Variants in COP1 observed in about 807,000 individuals in gnomAD.
COP1 encodes COP1 E3 ubiquitin ligase, also known as E3 ubiquitin-protein ligase COP1.
A neutral mutation model predicts 101.3 loss-of-function variants in COP1; 24 were observed. The observed-to-expected ratio is 0.24, with a 90% CI of 0.17 to 0.33. COP1 has a LOEUF of 0.33. COP1 is among the 10% of genes least tolerant of loss of function. The pLI is 1.00. For synonymous variants in COP1, 347 were observed against 341.9 expected (o/e 1.01, Z -0.17); for missense variants, 663 against 906.2 (o/e 0.73, Z 3.45).
At chr1:176,163,788 A>T in intron 4 of COP1, 27 bp downstream of exon 4, 5 of 1,358,134 alleles carry the variant, frequency 3.7e-6, no homozygotes, top group Non-Finnish European at 4.1e-6. Context: ...AAATTTATTA[A>T]AAATAGTAAT....
intron 6 of COP1, among the ~76,000 whole-genome samples, chr1:176,146,534 C>A (rs545560262): frequency 1.9e-4 from 29 of 152,328 alleles, no homozygotes; most frequent in African/African-American, 7.0e-4. Flanking sequence ...AGGCAGCCAG[C>A]TGCCATGTAG....
intron 2 of COP1, among the ~76,000 whole-genome samples, chr1:176,177,226 CATTAT>C (rs777872974): frequency 6.6e-6 from 1 of 151,616 alleles, no homozygotes; most frequent in African/African-American, 2.4e-5. Context: ...CCCTTTCTTA[CATTAT>C]ATATTTCTAT....
At chr1:176,178,131 T>C (rs1409367169) in intron 2 of COP1, among the ~76,000 whole-genome samples, 1 of 152,158 alleles carries the variant, frequency 6.6e-6, no homozygotes, top group African/African-American at 2.4e-5. Context: ...GGAAATAACA[T>C]ACTAAATCTT....
chr1:176,113,135 T>C (rs1457059200), intron 9 of COP1, among the ~76,000 whole-genome samples: 1 of 152,164 alleles, frequency 6.6e-6, no homozygotes, highest in Admixed American at 6.5e-5. Flanking sequence ...ATACTCTTTT[T>C]CATAATGGCT....
At position 176,206,727 on chromosome 1, in the gene COP1, C is replaced by A; in HGVS notation, c.252G>T (p.Thr84=). 3 of 1,572,286 alleles carry A rather than the reference C, an allele frequency of 1.9e-6. No individual in the cohort carries two copies. In the Admixed American group the frequency reaches 5.4e-5, roughly 29 times the overall value. The change falls in exon 1 of 20, where the codon ACG becomes ACT. Residue 84 remains threonine (T), a synonymous_variant. Transcript: ENST00000367669. ...VSGSGGGAVS[T]GLSRHSCAAR... ...CCGCGCAGCTGTGCCGGGACAGGCC[C>A]GTGGACACCGCCCCGCCGCCGCTAC... is the stretch of plus-strand genomic sequence containing the variant.
At chr1:176,120,353 G>A (rs1344015472) in intron 8 of COP1, among the ~76,000 whole-genome samples, 1 of 151,760 alleles carries the variant, frequency 6.6e-6, no homozygotes, top group East Asian at 1.9e-4. Context: ...CCAGGAGGCG[G>A]AGGTTGCAGT....
At chr1:176,003,686 C>T (rs1210880771) in intron 15 of COP1, among the ~76,000 whole-genome samples, 2 of 152,050 alleles carry the variant, frequency 1.3e-5, no homozygotes, top group Admixed American at 6.6e-5. Flanking sequence ...TTTCTGAGGG[C>T]TCTGTTCTGT....
At chr1:176,054,076 C>T (rs896741698) in intron 11 of COP1, among the ~76,000 whole-genome samples, 1 of 152,088 alleles carries the variant, frequency 6.6e-6, no homozygotes, top group East Asian at 1.9e-4. Flanking sequence ...CTACCCTCAT[C>T]CACTCACTCT....
At position 176,130,113 on chromosome 1, in the gene COP1, CT is replaced by C. The variant is rs1688653832; in HGVS notation, c.968+4896del. On this transcript the variant is annotated intron_variant, in intron 8 of 19. Coordinates refer to ENST00000367669, the MANE Select transcript of COP1 (RefSeq NM_022457.7). ...CTCAAAAATTCAGAGATAATCAAAC[CT>C]GGTCTAAGTATGTTTCAATATAAAA... Among the ~76,000 whole-genome samples, 9 of 151,702 alleles carry C rather than the reference CT, an allele frequency of 5.9e-5. 1 individual carries two copies. The South Asian group carries it at 1.9e-3, about 31-fold the overall frequency.
chr1:176,031,780 G>A (rs1427488225), intron 14 of COP1, among the ~76,000 whole-genome samples: 2 of 152,074 alleles, frequency 1.3e-5, no homozygotes, highest in Admixed American at 6.6e-5. Flanking sequence ...TCTTCTAAGT[G>A]TCACCTAATT....
chr1:176,144,765 G>A (rs1339382884), intron 6 of COP1, among the ~76,000 whole-genome samples: 1 of 152,164 alleles, frequency 6.6e-6, no homozygotes, highest in Non-Finnish European at 1.5e-5. Flanking sequence ...TGAAACTTCA[G>A]AGTGATGAAG....
chr1:176,054,964 A>G (rs1322790314), intron 11 of COP1, among the ~76,000 whole-genome samples: 2 of 152,124 alleles, frequency 1.3e-5, no homozygotes, highest in African/African-American at 2.4e-5. Context: ...GTCAATAATG[A>G]CCTCTAAGTT....
At chr1:176,165,071 A>G (rs1397079264) in intron 3 of COP1, among the ~76,000 whole-genome samples, 6 of 152,342 alleles carry the variant, frequency 3.9e-5, no homozygotes, top group African/African-American at 1.4e-4. Context: ...CAACAAACAG[A>G]TACCAAGCTC....
Position 176,188,475 on chromosome 1 carries a change from T to C in COP1, c.408-3783A>G, listed in dbSNP as rs1698734532. Among the ~76,000 whole-genome samples, 4 of 152,072 alleles carry C rather than the reference T, an allele frequency of 2.6e-5. No individual in the cohort carries two copies. In the South Asian group the frequency reaches 8.3e-4, roughly 31 times the overall value. Reference sequence around the variant, plus strand: ...ACCATCCATTTAGAAAAACAATCCATTCAGGACCTCTGTAACACTGTCAAT... The same window carrying C: ...ACCATCCATTTAGAAAAACAATCCACTCAGGACCTCTGTAACACTGTCAAT... On this transcript the variant is annotated intron_variant, in intron 1 of 19. Transcript: ENST00000367669.
chr1:176,048,873 G>T (rs1488726274), intron 11 of COP1, among the ~76,000 whole-genome samples: 1 of 152,166 alleles, frequency 6.6e-6, no homozygotes, highest in Non-Finnish European at 1.5e-5. Context: ...AAGTAAAAAT[G>T]CTGTCAAAAG....
At chr1:176,128,063 T>C (rs1477599802) in intron 8 of COP1, among the ~76,000 whole-genome samples, 2 of 152,076 alleles carry the variant, frequency 1.3e-5, no homozygotes, top group Admixed American at 6.6e-5. Context: ...CCTTTACTCA[T>C]TTTAAAAATA....
At chr1:175,998,484 A>AG (rs2148839301) in intron 15 of COP1, among the ~76,000 whole-genome samples, 1 of 136,360 alleles carries the variant, frequency 7.3e-6, no homozygotes, top group African/African-American at 3.2e-5. Context: ...AAAAAAAGAG[A>AG]AAAAAAAGAA....
intron 18 of COP1, among the ~76,000 whole-genome samples, chr1:175,957,451 C>CTA (rs1650797053): frequency 6.6e-6 from 1 of 152,192 alleles, no homozygotes. Flanking sequence ...GAGCAACAGG[C>CTA]TATACCACAT....
At chr1:176,086,008 T>G in intron 9 of COP1, 118 bp from the exon 10 acceptor site, 1 of 513,178 alleles carries the variant, frequency 1.9e-6, no homozygotes, top group Non-Finnish European at 3.6e-6. Flanking sequence ...TGATCACAAA[T>G]AGTAAAAAAC....
Sources: gnomAD v4.1 joint callset for allele counts (sites outside exome capture counted in the v4.1 genomes callset) on GRCh38, gnomAD v4.1.1 for gene constraint, MANE v1.5 for transcripts, NCBI Gene and HGNC (gene_info 2026-07-23, HGNC 2026-07-21) for gene names.